RABGAP1: variants seen among roughly 807,000 people sequenced by gnomAD.
The protein encoded by RABGAP1 is RAB GTPase activating protein 1.
A neutral mutation model predicts 137.6 loss-of-function variants in RABGAP1; 23 were observed. That is an observed-to-expected ratio of 0.17 (90% CI 0.12 to 0.24). The LOEUF is 0.24. Among genes scored for constraint, RABGAP1 ranks in the 10% least tolerant of loss-of-function variants. The pLI is 1.00. For missense variants in RABGAP1, 906 were observed against 1,275.8 expected (o/e 0.71, Z 4.42); for synonymous variants, 451 against 450.7 (o/e 1.00, Z -0.01).
At chr9:123,079,322 C>G (rs1432993393) in intron 19 of RABGAP1, among the ~76,000 whole-genome samples, 2 of 151,054 alleles carry the variant, frequency 1.3e-5, no homozygotes, top group African/African-American at 4.9e-5. Context: ...TCACTGCAAC[C>G]TCCGCCTCCC....
At chr9:122,996,754 T>C (rs557233483) in intron 8 of RABGAP1, 149 bp downstream of exon 8, 16 of 700,286 alleles carry the variant, frequency 2.3e-5, no homozygotes, top group African/African-American at 3.6e-5. Context: ...GATAATTTCC[T>C]TTTTCCTGAC....
intron 1 of RABGAP1, among the ~76,000 whole-genome samples, chr9:122,954,354 A>C (rs941626862): frequency 5.9e-5 from 9 of 152,210 alleles, no homozygotes; most frequent in Non-Finnish European, 1.2e-4. Context: ...TTTTTCCTTT[A>C]CTACTTAGTG....
At chr9:123,089,909 C>A in intron 20 of RABGAP1, 59 bp downstream of exon 20, 1 of 1,421,824 alleles carries the variant, frequency 7.0e-7, no homozygotes, top group Non-Finnish European at 9.8e-7. Context: ...CATATGATTG[C>A]GCCTGTAACT....
intron 6 of RABGAP1, 136 bp downstream of exon 6, chr9:122,990,349 A>G (rs1374859555): frequency 3.0e-6 from 2 of 660,144 alleles, no homozygotes; most frequent in East Asian, 6.8e-5. Flanking sequence ...TGATAAAGGC[A>G]TATAAATACA....
chr9:123,081,828 C>T (rs1181907287), intron 19 of RABGAP1, among the ~76,000 whole-genome samples: 1 of 152,060 alleles, frequency 6.6e-6, no homozygotes, highest in Non-Finnish European at 1.5e-5. Context: ...CTCACAATAC[C>T]CTGTGAGATA....
At chr9:122,959,760 G>T (rs933992916) in intron 2 of RABGAP1, among the ~76,000 whole-genome samples, 3 of 152,144 alleles carry the variant, frequency 2.0e-5, no homozygotes, top group Non-Finnish European at 4.4e-5. Context: ...TCCAAAGCAG[G>T]AGCAAGATAT....
chr9:123,030,694 G>T (rs1161899348), intron 13 of RABGAP1, among the ~76,000 whole-genome samples: 1 of 152,032 alleles, frequency 6.6e-6, no homozygotes, highest in African/African-American at 2.4e-5. Context: ...TCTGTGTTGG[G>T]AACATTCAGT....
chr9:123,066,568 G>C (rs2034179907), intron 14 of RABGAP1, among the ~76,000 whole-genome samples: 1 of 152,104 alleles, frequency 6.6e-6, no homozygotes, highest in South Asian at 2.1e-4. Context: ...TGCCTTCACT[G>C]ACTTCATCAT....
chr9:122,950,878 A>G (rs528673460), intron 1 of RABGAP1, among the ~76,000 whole-genome samples: 15 of 152,230 alleles, frequency 9.9e-5, no homozygotes, highest in Non-Finnish European at 1.8e-4. Context: ...AATAGAAGAA[A>G]AGGAACCTAA....
intron 13 of RABGAP1, chr9:123,034,886 T>C: frequency 6.2e-7 from 1 of 1,613,942 alleles, no homozygotes; most frequent in Non-Finnish European, 8.5e-7. Flanking sequence ...ATATTTGGTT[T>C]TGTAGTATCA....
At chr9:122,943,016 T>TA (rs1833688536) in intron 1 of RABGAP1, among the ~76,000 whole-genome samples, 2 of 139,916 alleles carry the variant, frequency 1.4e-5, no homozygotes, top group Non-Finnish European at 3.0e-5. Context: ...CATCAAAAAA[T>TA]AAAAAATAAA....
intron 14 of RABGAP1, chr9:123,065,706 T>A: frequency 2.3e-6 from 1 of 432,328 alleles, no homozygotes; most frequent in Non-Finnish European, 4.3e-6. Flanking sequence ...GACAGTTCCC[T>A]GGCTCCACAT....
At chr9:123,053,367 A>G (rs2033567827) in intron 13 of RABGAP1, among the ~76,000 whole-genome samples, 1 of 152,230 alleles carries the variant, frequency 6.6e-6, no homozygotes, top group South Asian at 2.1e-4. Context: ...GACAAATGAC[A>G]TGAGTGCTAT....
chr9:122,985,828 G>A (rs1055736642), intron 3 of RABGAP1, among the ~76,000 whole-genome samples: 3 of 152,138 alleles, frequency 2.0e-5, no homozygotes, highest in African/African-American at 7.2e-5. Context: ...AAGTGTTTCA[G>A]ATTTCAGATG....
At chr9:123,071,168 G>A (rs551742482) in intron 15 of RABGAP1, among the ~76,000 whole-genome samples, 2 of 152,236 alleles carry the variant, frequency 1.3e-5, no homozygotes, top group Admixed American at 1.3e-4. Context: ...ATTCAGTAAT[G>A]TCTGATACAC....
chr9:122,999,584 A>G (rs1237587240), intron 10 of RABGAP1, among the ~76,000 whole-genome samples: 1 of 151,938 alleles, frequency 6.6e-6, no homozygotes, highest in Non-Finnish European at 1.5e-5. Context: ...TGCTTTTAAG[A>G]TTATTCATCT....
intron 2 of RABGAP1, among the ~76,000 whole-genome samples, chr9:122,981,228 G>A (rs573317277): frequency 4.3e-4 from 66 of 152,192 alleles, no homozygotes; most frequent in African/African-American, 1.6e-3. Context: ...GTTGCACCAT[G>A]TTGGCCAGGC....
At chr9:123,048,164 C>T (rs1223996542) in intron 13 of RABGAP1, among the ~76,000 whole-genome samples, 1 of 151,990 alleles carries the variant, frequency 6.6e-6, no homozygotes, top group African/African-American at 2.4e-5. Flanking sequence ...GTCTCGAACT[C>T]CTGACCTCAG....
chr9:123,010,383 T>C lies in RABGAP1; in HGVS notation c.1404T>C (p.Thr468=). The C allele has an allele frequency of 1.9e-6, 3 of 1,613,228 alleles. No homozygotes were observed. The highest frequency in any genetic ancestry group is 2.5e-6 in the Non-Finnish European group (3 of 1,179,232). ...QIKQRERKNN[T]DTLYEVVCLE... ...AGCAAAGGGAGAGAAAGAATAATAC[T>C]GACACTTTATATGAAGTTGTATGCT... is the stretch of plus-strand genomic sequence containing the variant. The change falls in exon 11 of 26, where the codon ACT becomes ACC. Residue 468 remains threonine, a synonymous_variant. Coordinates refer to ENST00000373647, the MANE Select transcript of RABGAP1 (RefSeq NM_012197.4).
Sources: allele counts gnomAD v4.1 joint callset (sites outside exome capture counted in the v4.1 genomes callset), GRCh38; gene constraint gnomAD v4.1.1; transcripts MANE v1.5; gene names NCBI Gene and HGNC (gene_info 2026-07-23, HGNC 2026-07-21).